The following WWOX variants were observed in gnomAD, a reference collection of about 807,000 sequenced individuals.
WWOX encodes WW domain-containing oxidoreductase.
In WWOX, 69 loss-of-function variants were observed where a neutral mutation model predicts 46.2. That is an observed-to-expected ratio of 1.49 (90% CI 1.23 to 1.82). WWOX has a LOEUF of 1.82. Among genes scored for constraint, WWOX ranks in the 40% most tolerant of loss-of-function variants. WWOX has a pLI of 0.00. For missense variants in WWOX, 919 were observed against 542.6 expected, an observed-to-expected ratio of 1.69 and a Z score of -6.89; for synonymous variants, 359 against 202.6, an observed-to-expected ratio of 1.77 and a Z score of -6.56.
intron 8 of WWOX, among the ~76,000 whole-genome samples, chr16:79,137,912 A>G (rs1028203242): frequency 3.3e-5 from 5 of 151,890 alleles, no homozygotes; most frequent in African/African-American, 7.3e-5. Context: ...CAGAAGTACA[A>G]CATCAGAGGA....
At chr16:78,989,856 GA>G (rs2046850616) in intron 8 of WWOX, among the ~76,000 whole-genome samples, 2 of 149,612 alleles carry the variant, frequency 1.3e-5, no homozygotes, top group Non-Finnish European at 3.0e-5. Context: ...GTGTGTGTGT[GA>G]TTGAGAGAGA....
chr16:78,561,917 G>A (rs2044448139), intron 8 of WWOX, among the ~76,000 whole-genome samples: 2 of 152,242 alleles, frequency 1.3e-5, no homozygotes, highest in Admixed American at 6.5e-5. Flanking sequence ...GTGCCTTAAC[G>A]TCTCTATCTA....
chr16:78,276,372 T>G (rs1720353944), intron 5 of WWOX, among the ~76,000 whole-genome samples: 1 of 152,146 alleles, frequency 6.6e-6, no homozygotes, highest in Non-Finnish European at 1.5e-5. Context: ...CAGCAAGTGG[T>G]TTTGACAATG....
At chr16:78,100,026 A>G (rs960232656) in intron 1 of WWOX, 141 bp downstream of exon 1, 2 of 1,447,622 alleles carry the variant, frequency 1.4e-6, no homozygotes, top group African/African-American at 1.5e-5. Flanking sequence ...TTCAGGGAAA[A>G]GGGTCCAGGG....
chr16:79,010,086 C>A (rs573769823), intron 8 of WWOX, among the ~76,000 whole-genome samples: 6 of 152,284 alleles, frequency 3.9e-5, no homozygotes, highest in African/African-American at 1.4e-4. Flanking sequence ...AGCTGCTCAC[C>A]CACCATGTCC....
chr16:78,361,766 C>T (rs2081414681), intron 5 of WWOX, among the ~76,000 whole-genome samples: 1 of 152,060 alleles, frequency 6.6e-6, no homozygotes. Flanking sequence ...TCCATGCCAC[C>T]ATGCCCAGCT....
chr16:78,135,984 A>G (rs1293623783), intron 4 of WWOX, among the ~76,000 whole-genome samples: 1 of 152,218 alleles, frequency 6.6e-6, no homozygotes, highest in Non-Finnish European at 1.5e-5. Flanking sequence ...ATAAAATTAT[A>G]TTAAAGTCCA....
intron 8 of WWOX, among the ~76,000 whole-genome samples, chr16:78,702,895 A>T (rs968099145): frequency 6.6e-6 from 1 of 151,960 alleles, no homozygotes; most frequent in Non-Finnish European, 1.5e-5. Context: ...GGAGAGGGGG[A>T]TTATATAGGA....
intron 8 of WWOX, among the ~76,000 whole-genome samples, chr16:78,537,509 T>C (rs1003838389): frequency 1.3e-5 from 2 of 152,226 alleles, no homozygotes; most frequent in East Asian, 3.8e-4. Context: ...ATCATTATCA[T>C]ATGATTTACC....
intron 8 of WWOX, among the ~76,000 whole-genome samples, chr16:78,688,979 C>G (rs746908251): frequency 8.5e-5 from 13 of 152,134 alleles, no homozygotes; most frequent in Non-Finnish European, 1.8e-4. Flanking sequence ...GTTTGCTTTC[C>G]CTTCCACCAT....
intron 8 of WWOX, among the ~76,000 whole-genome samples, chr16:78,569,168 G>A (rs1004123066): frequency 6.6e-6 from 1 of 152,164 alleles, no homozygotes; most frequent in Non-Finnish European, 1.5e-5. Flanking sequence ...AACCCTATGG[G>A]CAGAAATGTG....
intron 8 of WWOX, among the ~76,000 whole-genome samples, chr16:78,648,438 T>A (rs1053170538): frequency 1.3e-5 from 2 of 152,098 alleles, no homozygotes; most frequent in Non-Finnish European, 2.9e-5. Flanking sequence ...CAGTCACTGG[T>A]CCCTAGGATA....
At chr16:79,091,804 C>T (rs1295496151) in intron 8 of WWOX, among the ~76,000 whole-genome samples, 3 of 104,700 alleles carry the variant, frequency 2.9e-5, no homozygotes, top group Admixed American at 2.5e-4. Flanking sequence ...TTTTTTGAGA[C>T]GGAGTCTAGC....
chr16:79,127,337 G>T (rs1265241723), intron 8 of WWOX, among the ~76,000 whole-genome samples: 2 of 152,082 alleles, frequency 1.3e-5, no homozygotes, highest in African/African-American at 4.8e-5. Context: ...AAGGCAATAT[G>T]TTTGTATATT....
rs550060650 is a variant in WWOX, at chr16:78,949,429, A to G, written c.1057-262179A>G. 3.9e-5 allele frequency among the ~76,000 whole-genome samples: 6 copies of G among 152,230 alleles called. No individual in the cohort carries two copies. The East Asian group carries it at 5.8e-4, about 15-fold the overall frequency. On this transcript the variant is annotated intron_variant, in intron 8 of 8. Transcript: ENST00000566780. ...CAGCTCATCTAGCATGTTTCCTCCT[A>G]CAACCTGGACTTTTTCCTGTTGTCC...
intron 8 of WWOX, among the ~76,000 whole-genome samples, chr16:78,703,189 G>C (rs910199566): frequency 1.3e-5 from 2 of 151,114 alleles, no homozygotes; most frequent in Non-Finnish European, 2.9e-5. Flanking sequence ...TCTCTTCTCC[G>C]CTCCTTCCTG....
At chr16:78,283,162 A>C (rs912435041) in intron 5 of WWOX, among the ~76,000 whole-genome samples, 8 of 152,092 alleles carry the variant, frequency 5.3e-5, no homozygotes, top group Admixed American at 3.3e-4. Context: ...CCAGCCCGGC[A>C]GGAGAATCTG....
intron 8 of WWOX, among the ~76,000 whole-genome samples, chr16:78,713,769 C>G (rs749949374): frequency 3.3e-5 from 5 of 152,138 alleles, no homozygotes; most frequent in African/African-American, 1.2e-4. Context: ...AAATCAATTT[C>G]TGTTGTTTAA....
intron 8 of WWOX, among the ~76,000 whole-genome samples, chr16:79,127,927 C>CA (rs1422065970): frequency 6.6e-6 from 1 of 152,166 alleles, no homozygotes; most frequent in Non-Finnish European, 1.5e-5. Context: ...GAAATCAGTA[C>CA]AACTTGCAGT....
Sources: allele counts gnomAD v4.1 joint callset (sites outside exome capture counted in the v4.1 genomes callset), GRCh38; gene constraint gnomAD v4.1.1; transcripts MANE v1.5; gene names NCBI Gene and HGNC (gene_info 2026-07-23, HGNC 2026-07-21).